Variants in SFTPB observed in about 807,000 individuals in gnomAD.
The protein encoded by SFTPB is pulmonary surfactant-associated protein B.
A neutral mutation model predicts 51.0 loss-of-function variants in SFTPB; 32 were observed. The ratio of observed to expected loss-of-function variants is 0.63; its 90% confidence interval spans 0.47 to 0.84. The LOEUF is 0.84. SFTPB is among the 40% of genes least tolerant of loss of function. The probability of loss-of-function intolerance (pLI) is 0.00; values close to 1 mark genes in which losing one functional copy is unlikely to be tolerated. For missense variants in SFTPB, 431 were observed against 491.2 expected (o/e 0.88, Z 1.16); for synonymous variants, 211 against 208.5 (o/e 1.01, Z -0.10).
intron 4 of SFTPB, 141 bp downstream of exon 4, chr2:85,666,476 T>G: frequency 1.2e-6 from 1 of 811,332 alleles, no homozygotes; most frequent in Non-Finnish European, 1.9e-6. Flanking sequence ...TGTGTTTGTG[T>G]CTGGCCGGCT....
rs1056262339 is a variant in SFTPB, at chr2:85,657,829, A to C, written c.*1873T>G. On this transcript the variant is annotated 3_prime_UTR_variant, in exon 11 of 11. Transcript: ENST00000519937. The stretch of plus-strand genomic sequence containing the variant: ...GCAATTTTTTGTGGGCAGGGGGTGG[A>C]TCTTACAAAGCACATTCTCAATGGC... The C allele has an allele frequency of 2.0e-5, 3 of 150,810 alleles. No individual in the cohort carries two copies. The highest frequency in any genetic ancestry group is 6.7e-5 in the Admixed American group (1 of 14,998). The allele number at this position is 150,810 out of a possible 1,614,324, so 9.3% of individuals were successfully genotyped here.
At position 85,667,179 on chromosome 2, in the gene SFTPB, T is replaced by C; in HGVS notation, c.196-2A>G. On this transcript the variant is annotated splice_acceptor_variant, in intron 2 of 10. Coordinates refer to ENST00000519937, the MANE Select transcript of SFTPB (RefSeq NM_000542.5). LOFTEE classifies it high-confidence loss of function. Reference sequence around the variant, plus strand: ...CTCACACTCTTGGCATAGGTCATCCTGGGGAGGGAGGGGCCCCAAGGTGGA... The same window carrying C: ...CTCACACTCTTGGCATAGGTCATCCCGGGGAGGGAGGGGCCCCAAGGTGGA... 1 of 1,613,264 alleles carries C rather than the reference T, an allele frequency of 6.2e-7. No individual in the cohort carries two copies. The highest frequency in any genetic ancestry group is 8.5e-7 in the Non-Finnish European group (1 of 1,179,192).
At chr2:85,662,428 C>T in intron 8 of SFTPB, 1 of 590,480 alleles carries the variant, frequency 1.7e-6, no homozygotes, top group Non-Finnish European at 2.6e-6. Context: ...GTCCTTGAGA[C>T]CAGATGTGAT....
At chr2:85,667,310 T>G in intron 2 of SFTPB, 133 bp from the exon 3 acceptor site, 1 of 725,010 alleles carries the variant, frequency 1.4e-6, no homozygotes, top group South Asian at 1.5e-5. Flanking sequence ...GCCCAACTTG[T>G]CCCATCTCAT....
upstream of SFTPB, among the ~76,000 whole-genome samples, chr2:85,668,451 A>G (rs1244552525): frequency 3.3e-5 from 5 of 151,992 alleles, no homozygotes; most frequent in Non-Finnish European, 7.4e-5. Flanking sequence ...GGGGCTCTCA[A>G]GCCTCCATAC....
chr2:85,661,530 G>A lies in SFTPB; in HGVS notation c.1089C>T (p.Leu363=), dbSNP rs756623575. 29 of 1,610,610 alleles carry A rather than the reference G, an allele frequency of 1.8e-5. No individual in the cohort carries two copies. The East Asian group carries it at 2.0e-4, about 11-fold the overall frequency. Reference sequence around the variant, plus strand: ...GGCTGGACATGGTCCCACACACCCCGAGGGCCTGTCACAGGGACAGCACCA... The same window carrying A: ...GGCTGGACATGGTCCCACACACCCCAAGGGCCTGTCACAGGGACAGCACCA... The part of the protein sequence containing the change: ...GWDAHTTCQA[L]GVCGTMSSPL... Residue 363 remains leucine (L), a synonymous_variant, in exon 10 of 11, where the codon CTC becomes CTT. Transcript: ENST00000519937.
chr2:85,663,022 T>G (rs557681921), intron 8 of SFTPB, among the ~76,000 whole-genome samples: 8 of 152,106 alleles, frequency 5.3e-5, no homozygotes, highest in Non-Finnish European at 8.8e-5. Context: ...GGCTAGTCCC[T>G]TTCCTGGCTT....
intron 4 of SFTPB, chr2:85,666,389 T>C: frequency 2.2e-6 from 1 of 451,304 alleles, no homozygotes; most frequent in South Asian, 2.0e-5. Flanking sequence ...CCAGCTGGGG[T>C]ACTGTGTGTG....
chr2:85,665,488 C>T, intron 5 of SFTPB, 110 bp from the exon 6 acceptor site: 3 of 1,450,694 alleles, frequency 2.1e-6, no homozygotes, highest in Non-Finnish European at 2.9e-6. Context: ...TAGGCCCTGC[C>T]TGGAGCTTCC....
intron 9 of SFTPB, 66 bp from the exon 10 acceptor site, chr2:85,661,601 G>A (rs1035437389): frequency 2.0e-5 from 28 of 1,376,154 alleles, no homozygotes; most frequent in Middle Eastern, 1.9e-4. Context: ...CAGCTCTTCC[G>A]GGAAAGAACA....
At chr2:85,663,593 G>C (rs1677419075) in intron 7 of SFTPB, 71 bp downstream of exon 7, 1 of 1,593,530 alleles carries the variant, frequency 6.3e-7, no homozygotes, top group Admixed American at 1.8e-5. Context: ...CAGAGGGAGA[G>C]GGTCATGCAG....
At chr2:85,666,272 T>G (rs886544909) in intron 4 of SFTPB, among the ~76,000 whole-genome samples, 2 of 137,316 alleles carry the variant, frequency 1.5e-5, no homozygotes, top group African/African-American at 5.4e-5. Context: ...GGGTACTGTG[T>G]GGGTATGTGT....
intron 6 of SFTPB, among the ~76,000 whole-genome samples, chr2:85,664,234 T>G (rs1461012308): frequency 1.3e-5 from 2 of 152,120 alleles, no homozygotes; most frequent in African/African-American, 4.8e-5. Flanking sequence ...TCTGTTTTTT[T>G]GCTCAAACCT....
chr2:85,667,126 C>A lies in SFTPB; in HGVS notation c.247G>T (p.Ala83Ser), dbSNP rs573709240. 6.2e-7 allele frequency: 1 copy of A among 1,613,710 alleles called. No individual in the cohort carries two copies. Among genetic ancestry groups the A allele is most frequent in the African/African-American group, 1.3e-5 (1 of 75,042 alleles). Residue 83 changes from alanine to serine, a missense_variant, in exon 3 of 11, where the codon GCC becomes TCC. Transcript: ENST00000519937. Reference sequence around the variant, plus strand: ...ATTACCTGGAAAATGGCCTCCTTGGCCATCTTGTTAAGGATGTGGACGATG... The same window carrying A: ...ATTACCTGGAAAATGGCCTCCTTGGACATCTTGTTAAGGATGTGGACGATG... The part of the protein sequence containing the change: ...EDIVHILNKM[A>S]KEAIFQDTMR...
upstream of SFTPB, among the ~76,000 whole-genome samples, chr2:85,668,422 T>C (rs1019693937): frequency 6.6e-6 from 1 of 152,226 alleles, no homozygotes; most frequent in Non-Finnish European, 1.5e-5. Flanking sequence ...GTTCCTGGAC[T>C]TGTGGCTTCC....
chr2:85,663,255 C>A, intron 8 of SFTPB, 91 bp downstream of exon 8: 1 of 1,550,572 alleles, frequency 6.4e-7, no homozygotes, highest in East Asian at 2.2e-5. Flanking sequence ...CTGGCCCATC[C>A]TAGGTGTCTC....
rs184305471 is a variant in SFTPB at position 85,666,634 on chromosome 2, A to C, written c.376T>G (p.Tyr126Asp). ...GCCCTCACAGTCTGGTTCTGGAAGT[A>C]GTCGATGACCAGGGGGAAGTAGTCG... is the stretch of plus-strand genomic sequence containing the variant. ...LDDYFPLVID[Y>D]FQNQTDSNGI... The change falls in exon 4 of 11, where the codon TAC becomes GAC. Residue 126 changes from tyrosine (Y) to aspartate (D), a missense_variant. By Grantham distance (160) the Tyr-to-Asp change is radical (BLOSUM62 -3). Transcript: ENST00000519937. 80 of 1,613,620 alleles carry C rather than the reference A, an allele frequency of 5.0e-5. No individual in the cohort carries two copies. In the East Asian group the frequency reaches 1.6e-3, roughly 33 times the overall value.
At chr2:85,664,882 T>A (rs770524113) in intron 6 of SFTPB, among the ~76,000 whole-genome samples, 6 of 152,206 alleles carry the variant, frequency 3.9e-5, no homozygotes, top group Admixed American at 6.5e-5. Context: ...AGACTCCAAG[T>A]TGGACTCAGG....
rs3024811 is a variant in SFTPB, at chr2:85,663,025, C to A, written c.1002+321G>T. On this transcript the variant is annotated intron_variant, in intron 8 of 10. Transcript: ENST00000519937. ...CCCTGGAGAGAAGGCTAGTCCCTTT[C>A]CTGGCTTGAACTGGCCCTAGCATTA... Among the ~76,000 whole-genome samples the A allele has an allele frequency of 0.068, 10,283 of 152,056 alleles. 1,145 individuals are homozygous for A. Among genetic ancestry groups the A allele is most frequent in the African/African-American group, 0.23 (9,729 of 41,406 alleles).
Sources: allele counts gnomAD v4.1 joint callset (sites outside exome capture counted in the v4.1 genomes callset), GRCh38; gene constraint gnomAD v4.1.1; transcripts MANE v1.5; gene names NCBI Gene and HGNC (gene_info 2026-07-23, HGNC 2026-07-21).